The following PRKCA variants were observed in gnomAD, a reference collection of about 807,000 sequenced individuals.
PRKCA encodes protein kinase C alpha.
A neutral mutation model predicts 87.0 loss-of-function variants in PRKCA; 27 were observed. The observed-to-expected ratio is 0.31, with a 90% CI of 0.23 to 0.43. The LOEUF is 0.43. Among genes scored for constraint, PRKCA ranks in the 20% least tolerant of loss-of-function variants. PRKCA has a pLI of 1.00. For missense variants in PRKCA, 518 were observed against 852.3 expected (o/e 0.61, Z 4.88); for synonymous variants, 329 against 311.1 (o/e 1.06, Z -0.61).
intron 3 of PRKCA, among the ~76,000 whole-genome samples, chr17:66,593,447 CTG>C (rs1319966814): frequency 2.6e-5 from 4 of 152,198 alleles, no homozygotes; most frequent in Non-Finnish European, 5.9e-5. Flanking sequence ...TCACAGCACT[CTG>C]TGCACAGCCC....
intron 2 of PRKCA, among the ~76,000 whole-genome samples, chr17:66,382,426 G>A (rs1379877472): frequency 6.6e-6 from 1 of 151,994 alleles, no homozygotes; most frequent in East Asian, 1.9e-4. Flanking sequence ...TCAGTCTCCC[G>A]AGTAGCCGGG....
At chr17:66,578,298 C>T (rs1227660835) in intron 3 of PRKCA, among the ~76,000 whole-genome samples, 5 of 152,194 alleles carry the variant, frequency 3.3e-5, no homozygotes, top group Non-Finnish European at 7.3e-5. Flanking sequence ...GGCTTCCGCA[C>T]ATGGTCATGT....
intron 2 of PRKCA, among the ~76,000 whole-genome samples, chr17:66,379,291 G>A (rs377705936): frequency 1.3e-5 from 2 of 152,146 alleles, no homozygotes; most frequent in East Asian, 3.9e-4. Flanking sequence ...TAGAGTTCAT[G>A]TTTCTCCACA....
At chr17:66,522,606 C>G (rs1294325930) in intron 3 of PRKCA, among the ~76,000 whole-genome samples, 1 of 152,074 alleles carries the variant, frequency 6.6e-6, no homozygotes, top group Non-Finnish European at 1.5e-5. Flanking sequence ...GGGGTTCATG[C>G]TGAACCCCAC....
At chr17:66,705,136 A>G (rs1237239928) in intron 8 of PRKCA, among the ~76,000 whole-genome samples, 2 of 152,214 alleles carry the variant, frequency 1.3e-5, no homozygotes, top group Non-Finnish European at 2.9e-5. Flanking sequence ...TAAATAGCTT[A>G]CTTAATTACT....
intron 2 of PRKCA, among the ~76,000 whole-genome samples, chr17:66,417,382 G>A (rs985751574): frequency 5.3e-5 from 8 of 152,202 alleles, no homozygotes; most frequent in African/African-American, 1.9e-4. Flanking sequence ...GAAATCCCTA[G>A]CCAGGTGCAG....
chr17:66,503,433 A>G (rs1023877625), intron 3 of PRKCA, among the ~76,000 whole-genome samples: 37 of 152,180 alleles, frequency 2.4e-4, no homozygotes, highest in African/African-American at 8.9e-4. Flanking sequence ...AAATGAATAC[A>G]TTAATTAACT....
intron 2 of PRKCA, among the ~76,000 whole-genome samples, chr17:66,350,368 G>A (rs1044646591): frequency 3.3e-5 from 5 of 152,184 alleles, no homozygotes; most frequent in African/African-American, 9.6e-5. Context: ...GTGGGTGTCC[G>A]TGGACCCACA....
intron 8 of PRKCA, among the ~76,000 whole-genome samples, chr17:66,721,432 C>T (rs906546660): frequency 2.7e-5 from 4 of 150,720 alleles, no homozygotes; most frequent in Admixed American, 2.6e-4. Flanking sequence ...ACTCCATAGG[C>T]AGAGCAACCC....
intron 4 of PRKCA, among the ~76,000 whole-genome samples, chr17:66,643,382 G>A (rs753308656): frequency 5.9e-5 from 9 of 152,178 alleles, no homozygotes; most frequent in Admixed American, 5.2e-4. Flanking sequence ...AATGAGATGT[G>A]GAGGCTGGTC....
intron 2 of PRKCA, among the ~76,000 whole-genome samples, chr17:66,353,749 C>CA (rs1907891442): frequency 6.6e-6 from 1 of 152,138 alleles, no homozygotes; most frequent in Non-Finnish European, 1.5e-5. Flanking sequence ...CCAATAGAAA[C>CA]AGTGTGTAGA....
At chr17:66,306,042 T>C (rs1789385059) in intron 1 of PRKCA, 54 bp from the exon 2 acceptor site, 25 of 1,546,038 alleles carry the variant, frequency 1.6e-5, no homozygotes, top group Non-Finnish European at 2.1e-5. Context: ...GTTTAAAATA[T>C]GCTATCCAAC....
At chr17:66,580,929 GC>G (rs11349506) in intron 3 of PRKCA, among the ~76,000 whole-genome samples, 56,206 of 151,042 alleles carry the variant, frequency 0.37, 11,028 homozygotes, top group African/African-American at 0.49. Flanking sequence ...GAGATTTGTT[GC>G]CCCCCCCCAT....
intron 8 of PRKCA, among the ~76,000 whole-genome samples, chr17:66,722,179 A>G (rs530267777): frequency 1.3e-5 from 2 of 152,240 alleles, no homozygotes; most frequent in Non-Finnish European, 2.9e-5. Flanking sequence ...CATATAGTGT[A>G]TATTCATTAT....
intron 3 of PRKCA, among the ~76,000 whole-genome samples, chr17:66,503,240 T>G (rs908070622): frequency 4.4e-4 from 67 of 152,184 alleles, no homozygotes; most frequent in African/African-American, 1.6e-3. Flanking sequence ...CCAGTGACTC[T>G]GGCTTCTCTG....
chr17:66,573,570 TAAGA>T (rs1969139981), intron 3 of PRKCA, among the ~76,000 whole-genome samples: 1 of 152,218 alleles, frequency 6.6e-6, no homozygotes, highest in Non-Finnish European at 1.5e-5. Flanking sequence ...CAGGAAGTTC[TAAGA>T]GTATCAAAAA....
chr17:66,314,457 T>A (rs35512343), intron 2 of PRKCA, among the ~76,000 whole-genome samples: 56,614 of 151,966 alleles, frequency 0.37, 10,703 homozygotes, highest in Middle Eastern at 0.55. Context: ...CTATCAAGGA[T>A]GGAATGGAAG....
chr17:66,583,699 G>A (rs1366756197), intron 3 of PRKCA, among the ~76,000 whole-genome samples: 1 of 152,094 alleles, frequency 6.6e-6, no homozygotes, highest in African/African-American at 2.4e-5. Flanking sequence ...TTACGGTGGT[G>A]GGATTACAGA....
chr17:66,496,549 G>A (rs941917382), intron 3 of PRKCA, among the ~76,000 whole-genome samples: 1 of 152,168 alleles, frequency 6.6e-6, no homozygotes, highest in African/African-American at 2.4e-5. Context: ...CAAATTTATT[G>A]TAATAGCTTT....
Sources: gnomAD v4.1 joint callset for allele counts (sites outside exome capture counted in the v4.1 genomes callset) on GRCh38, gnomAD v4.1.1 for gene constraint, MANE v1.5 for transcripts, NCBI Gene and HGNC (gene_info 2026-07-23, HGNC 2026-07-21) for gene names.